ERG: variants seen among roughly 807,000 people sequenced by gnomAD.
The protein encoded by ERG is ETS transcription factor ERG, also known as transcriptional regulator ERG.
A neutral mutation model predicts 55.3 loss-of-function variants in ERG; 9 were observed. The ratio of observed to expected loss-of-function variants is 0.16; its 90% CI spans 0.10 to 0.28. ERG has a LOEUF of 0.28. Ranked by LOEUF, ERG falls within the 10% of genes least tolerant of loss-of-function variation. The pLI is 1.00. For synonymous variants in ERG, 223 were observed against 237.3 expected (o/e 0.94, Z 0.55); for missense variants, 434 against 631.6 (o/e 0.69, Z 3.35).
At chr21:38,374,391 A>G in the ERG span, among the ~76,000 whole-genome samples, 2 of 152,210 alleles carry the variant, frequency 1.3e-5, no homozygotes, top group African/African-American at 4.8e-5. Flanking sequence ...TCGAGTCAAC[A>G]CCACTACAGG....
At chr21:38,386,204 T>C (rs1279469949) in intron 9 of ERG, among the ~76,000 whole-genome samples, 1 of 152,194 alleles carries the variant, frequency 6.6e-6, no homozygotes, top group East Asian at 1.9e-4. Context: ...CTTGACTATT[T>C]TACCCAGTAG....
In ERG at chr21:38,400,654, A is replaced by C; in HGVS notation, c.674-9T>G. 1 of 1,596,334 alleles carries C rather than the reference A, an allele frequency of 6.3e-7. No individual in the cohort carries two copies. The highest frequency in any genetic ancestry group is 8.6e-7 in the Non-Finnish European group (1 of 1,166,350). ...AATAAAAGCTGCACCCCCTGCAGAC[A>C]AAAGGAAAGACAAACATGTGAAGGT... On this transcript the variant is annotated splice_polypyrimidine_tract_variant and intron_variant, in intron 5 of 9. Transcript: ENST00000288319.
chr21:38,472,814 C>T (rs1042462511), intron 1 of ERG, among the ~76,000 whole-genome samples: 14 of 152,222 alleles, frequency 9.2e-5, no homozygotes, highest in East Asian at 1.9e-4. Flanking sequence ...GCAATTCGTG[C>T]GCTTGGAGCT....
intron 1 of ERG, among the ~76,000 whole-genome samples, chr21:38,608,853 A>T (rs1026420468): frequency 7.1e-4 from 108 of 152,350 alleles, no homozygotes; most frequent in African/African-American, 2.4e-3. Context: ...AGGGAGGAAG[A>T]AGGGTAGAAT....
chr21:38,430,222 G>C (rs1024948595), intron 2 of ERG, among the ~76,000 whole-genome samples: 1 of 152,046 alleles, frequency 6.6e-6, no homozygotes, highest in African/African-American at 2.4e-5. Context: ...CTTCTTTTGA[G>C]AATTGTCTAT....
chr21:38,414,134 G>A, intron 3 of ERG, among the ~76,000 whole-genome samples: 1 of 152,074 alleles, frequency 6.6e-6, no homozygotes, highest in Non-Finnish European at 1.5e-5. Context: ...CTAGCTTCTG[G>A]TGCTGTCCAG....
At chr21:38,411,303 T>C (rs1989035036) in intron 3 of ERG, among the ~76,000 whole-genome samples, 1 of 152,210 alleles carries the variant, frequency 6.6e-6, no homozygotes, top group Non-Finnish European at 1.5e-5. Flanking sequence ...AGAGTCTGTA[T>C]GAAATTAACA....
chr21:38,512,328 A>C (rs895017858), intron 2 of ERG, among the ~76,000 whole-genome samples: 3 of 152,232 alleles, frequency 2.0e-5, no homozygotes, highest in African/African-American at 7.2e-5. Flanking sequence ...ATTGGCAAGA[A>C]TGTGGAGGAA....
rs937034229 is a variant in ERG, at chr21:38,381,147, C to T, written c.*2256G>A. On this transcript the variant is annotated 3_prime_UTR_variant, in exon 10 of 10. Transcript: ENST00000288319. Reference sequence around the variant, plus strand: ...GTCCTGCCGACTTCAAAGCCCACTGCCAAAACATCCACAGCACAGAGGTTT... The same window carrying T: ...GTCCTGCCGACTTCAAAGCCCACTGTCAAAACATCCACAGCACAGAGGTTT... The T allele has an allele frequency of 9.4e-7, 1 of 1,065,314 alleles. No homozygotes were observed. The highest frequency in any genetic ancestry group is 5.0e-5 in the East Asian group (1 of 20,090). 66.0% of individuals were successfully genotyped at this position (1,065,314 alleles called of 1,614,324 possible).
intron 1 of ERG, among the ~76,000 whole-genome samples, chr21:38,637,813 C>CTGCG (rs1555876963): frequency 6.7e-6 from 1 of 148,162 alleles, no homozygotes; most frequent in African/African-American, 2.6e-5. Flanking sequence ...AGTTCTTTTT[C>CTGCG]TGCGTGTGTG....
At chr21:38,373,201 G>A in the ERG span, among the ~76,000 whole-genome samples, 4 of 152,148 alleles carry the variant, frequency 2.6e-5, no homozygotes, top group Non-Finnish European at 5.9e-5. Context: ...CATTCATAAT[G>A]GTCTAGGTCC....
At chr21:38,403,752 G>C in intron 3 of ERG, 43 bp from the exon 4 acceptor site, 2 of 1,586,580 alleles carry the variant, frequency 1.3e-6, no homozygotes, top group Non-Finnish European at 8.6e-7. Context: ...CTGAAGCCAG[G>C]GATCTTCATC....
intron 1 of ERG, among the ~76,000 whole-genome samples, chr21:38,599,497 C>T (rs2060151546): frequency 6.6e-6 from 1 of 152,146 alleles, no homozygotes; most frequent in Non-Finnish European, 1.5e-5. Flanking sequence ...GCCAAGTAAC[C>T]CCATTAATAG....
chr21:38,525,443 C>T (rs2059623277), intron 2 of ERG, among the ~76,000 whole-genome samples: 1 of 152,172 alleles, frequency 6.6e-6, no homozygotes, highest in African/African-American at 2.4e-5. Context: ...CAAAAGCCTG[C>T]CAGACATCTC....
intron 1 of ERG, among the ~76,000 whole-genome samples, chr21:38,584,602 C>T (rs116613380): frequency 0.011 from 1,748 of 152,296 alleles, 36 homozygotes; most frequent in African/African-American, 0.04. Flanking sequence ...CTAAAATCTC[C>T]ACACTGTAGG....
At chr21:38,386,321 G>A (rs1417882328) in intron 9 of ERG, among the ~76,000 whole-genome samples, 3 of 152,116 alleles carry the variant, frequency 2.0e-5, no homozygotes, top group Non-Finnish European at 4.4e-5. Flanking sequence ...AAAGAAACCT[G>A]GAAATGCAAA....
chr21:38,590,915 G>A (rs2060096780), intron 1 of ERG, among the ~76,000 whole-genome samples: 1 of 152,210 alleles, frequency 6.6e-6, no homozygotes, highest in Admixed American at 6.5e-5. Flanking sequence ...ATCAGCTGGA[G>A]AGCTTTTTAA....
upstream of ERG, among the ~76,000 whole-genome samples, chr21:38,502,083 C>T (rs1030951976): frequency 6.6e-6 from 1 of 152,176 alleles, no homozygotes; most frequent in African/African-American, 2.4e-5. Flanking sequence ...GTAATACATG[C>T]GCAGAGCAAA....
At chr21:38,623,357 A>G (rs1025158657) in intron 1 of ERG, among the ~76,000 whole-genome samples, 2 of 152,022 alleles carry the variant, frequency 1.3e-5, no homozygotes, top group Admixed American at 1.3e-4. Flanking sequence ...CACACACAAT[A>G]CACATACACA....
Sources: allele counts gnomAD v4.1 joint callset (sites outside exome capture counted in the v4.1 genomes callset), GRCh38; gene constraint gnomAD v4.1.1; transcripts MANE v1.5; gene names NCBI Gene and HGNC (gene_info 2026-07-23, HGNC 2026-07-21).